Variants in AGBL1 observed in about 807,000 individuals in gnomAD.
AGBL1 encodes cytosolic carboxypeptidase 4.
In AGBL1, 130 loss-of-function variants were observed where a neutral mutation model predicts 118.9. The ratio of observed to expected loss-of-function variants is 1.09; its 90% confidence interval spans 0.95 to 1.26. The LOEUF is 1.26. AGBL1 is among the 50% of genes most tolerant of loss of function. The pLI, the probability that AGBL1 is intolerant of heterozygous loss-of-function variation, is 0.00. For synonymous variants in AGBL1, 555 were observed against 478.9 expected (o/e 1.16, Z -2.08); for missense variants, 1,584 against 1,298.1 (o/e 1.22, Z -3.38).
At chr15:86,996,348 A>C (rs754367152) in intron 24 of AGBL1, among the ~76,000 whole-genome samples, 1 of 152,146 alleles carries the variant, frequency 6.6e-6, no homozygotes, top group Non-Finnish European at 1.5e-5. Context: ...AAGGAAGTCA[A>C]CTATCCTGAC....
At chr15:86,829,948 G>A (rs375917029) in intron 22 of AGBL1, among the ~76,000 whole-genome samples, 1 of 152,024 alleles carries the variant, frequency 6.6e-6, no homozygotes, top group South Asian at 2.1e-4. Flanking sequence ...AGCCAAGAAT[G>A]CTGCTACACA....
intron 22 of AGBL1, among the ~76,000 whole-genome samples, chr15:86,812,749 C>T (rs2078807667): frequency 6.6e-6 from 1 of 152,158 alleles, no homozygotes; most frequent in African/African-American, 2.4e-5. Context: ...CATGCAGACC[C>T]ATTTGGACTC....
At chr15:86,822,997 G>A (rs1033654433) in intron 22 of AGBL1, among the ~76,000 whole-genome samples, 7 of 152,158 alleles carry the variant, frequency 4.6e-5, no homozygotes, top group African/African-American at 1.7e-4. Context: ...CATGGCACAT[G>A]AGCAGCCAAG....
chr15:86,781,990 G>A (rs2078343213), intron 22 of AGBL1, among the ~76,000 whole-genome samples: 1 of 151,440 alleles, frequency 6.6e-6, no homozygotes, highest in African/African-American at 2.4e-5. Flanking sequence ...ACAATTTATA[G>A]ATCTTCTGGA....
intron 17 of AGBL1, among the ~76,000 whole-genome samples, chr15:86,311,916 T>G (rs1372888844): frequency 2.6e-5 from 4 of 152,230 alleles, no homozygotes; most frequent in Non-Finnish European, 5.9e-5. Context: ...GTAATTACAG[T>G]AATTGGGACA....
At chr15:86,283,523 GAAGA>G (rs371905176) in intron 16 of AGBL1, among the ~76,000 whole-genome samples, 12 of 151,820 alleles carry the variant, frequency 7.9e-5, no homozygotes, top group African/African-American at 2.9e-4. Context: ...GAAGAAAGAA[GAAGA>G]AAGAAAGAAA....
At chr15:86,927,010 G>T (rs960094617) in intron 23 of AGBL1, among the ~76,000 whole-genome samples, 16 of 151,994 alleles carry the variant, frequency 1.1e-4, no homozygotes, top group Non-Finnish European at 2.4e-4. Flanking sequence ...GTGGTGGTGG[G>T]CGCCTGTAAT....
chr15:86,116,421 A>G (rs573613139), intron 1 of AGBL1, among the ~76,000 whole-genome samples: 1 of 152,192 alleles, frequency 6.6e-6, no homozygotes, highest in South Asian at 2.1e-4. Context: ...ATGCCCAGGT[A>G]GCTGGTAAAG....
chr15:86,268,669 T>G (rs1484166667), intron 13 of AGBL1, among the ~76,000 whole-genome samples: 1 of 152,194 alleles, frequency 6.6e-6, no homozygotes, highest in East Asian at 1.9e-4. Context: ...TTGAGGGTCA[T>G]AGACTTTCCA....
intron 22 of AGBL1, among the ~76,000 whole-genome samples, chr15:86,707,986 C>T (rs918982621): frequency 1.3e-5 from 2 of 152,146 alleles, no homozygotes; most frequent in South Asian, 4.2e-4. Context: ...TACTCAGTCT[C>T]AAAACATTGA....
chr15:86,579,590 C>T (rs1215414644), intron 21 of AGBL1, among the ~76,000 whole-genome samples: 2 of 151,926 alleles, frequency 1.3e-5, no homozygotes, highest in Non-Finnish European at 2.9e-5. Context: ...AAGCAATGGT[C>T]AGAAAAAAAG....
intron 5 of AGBL1, among the ~76,000 whole-genome samples, chr15:86,205,253 G>T (rs1039892723): frequency 2.0e-5 from 3 of 152,136 alleles, no homozygotes; most frequent in African/African-American, 7.2e-5. Context: ...ATGCACTTAA[G>T]GGTTCTCTGT....
intron 21 of AGBL1, among the ~76,000 whole-genome samples, chr15:86,650,542 T>A (rs948388559): frequency 6.6e-6 from 1 of 152,188 alleles, no homozygotes; most frequent in African/African-American, 2.4e-5. Flanking sequence ...AACATACCTG[T>A]TTTTTCCTAA....
At chr15:86,504,514 G>T (rs2082952384) in intron 18 of AGBL1, among the ~76,000 whole-genome samples, 2 of 150,966 alleles carry the variant, frequency 1.3e-5, no homozygotes, top group Non-Finnish European at 3.0e-5. Flanking sequence ...TATTTCTTTT[G>T]AGTTAATAAA....
chr15:86,229,712 T>C (rs2078424679), intron 6 of AGBL1, among the ~76,000 whole-genome samples: 1 of 152,204 alleles, frequency 6.6e-6, no homozygotes, highest in African/African-American at 2.4e-5. Flanking sequence ...TAGGCATAAA[T>C]GCATTTTTGA....
chr15:86,525,844 C>T (rs2083255629), intron 19 of AGBL1, among the ~76,000 whole-genome samples: 1 of 151,984 alleles, frequency 6.6e-6, no homozygotes, highest in East Asian at 1.9e-4. Flanking sequence ...ATGGTGAAGA[C>T]AACAGAAACA....
rs772055068 is a variant in AGBL1, at chr15:86,258,036, G to A, written c.969+5G>A. 4.0e-5 allele frequency: 64 copies of A among 1,612,926 alleles called. No individual in the cohort carries two copies. In the Middle Eastern group the frequency reaches 6.6e-4, roughly 17 times the overall value. On this transcript the variant is annotated splice_donor_5th_base_variant and intron_variant, in intron 9 of 22. Coordinates refer to ENST00000614907, the MANE Select transcript of AGBL1 (RefSeq NM_001386094.1). ...ACTGAAGATGGGAAAGTGGAAGTAG[G>A]TACACCAGCCCATGCTTCTAATGAT...
chr15:86,390,611 GTAT>G (rs1432413752), intron 17 of AGBL1, among the ~76,000 whole-genome samples: 1 of 144,656 alleles, frequency 6.9e-6, no homozygotes, highest in African/African-American at 2.5e-5. Flanking sequence ...GCTCCCAAAA[GTAT>G]TATGCTAAGT....
At position 86,539,830 on chromosome 15, in the gene AGBL1, GTGCAACTGT is replaced by G. The variant is rs550125113; in HGVS notation, c.2686-6170_2686-6162del. On this transcript the variant is annotated intron_variant, in intron 19 of 22. Coordinates refer to ENST00000614907, the MANE Select transcript of AGBL1 (RefSeq NM_001386094.1). ...AATGTGAATGCTGCCCCCTGGAAGT[GTGCAACTGT>G]TCTTATTGGGTTCCCAGAGAACGCT... 3.0e-4 allele frequency among the ~76,000 whole-genome samples: 45 copies of G among 152,310 alleles called. No homozygotes were observed. In the South Asian group the frequency reaches 8.7e-3, roughly 29 times the overall value.
Sources: gnomAD v4.1 joint callset for allele counts (sites outside exome capture counted in the v4.1 genomes callset) on GRCh38, gnomAD v4.1.1 for gene constraint, MANE v1.5 for transcripts, NCBI Gene and HGNC (gene_info 2026-07-23, HGNC 2026-07-21) for gene names.